The following NKAIN3 variants were observed in gnomAD, a reference collection of about 807,000 sequenced individuals.
NKAIN3 encodes the protein sodium/potassium transporting ATPase interacting 3, also known as sodium/potassium-transporting ATPase subunit beta-1-interacting protein 3.
In NKAIN3, 25 loss-of-function variants were observed where a neutral mutation model predicts 30.2. The ratio of observed to expected loss-of-function variants is 0.83; its 90% CI spans 0.60 to 1.16. The LOEUF (loss-of-function observed/expected upper bound fraction) is 1.16, where lower values mean the gene tolerates loss of function less well. Among genes scored for constraint, NKAIN3 ranks in the 50% most tolerant of loss-of-function variants. The probability of loss-of-function intolerance (pLI) is 0.00; values close to 1 mark genes in which losing one functional copy is unlikely to be tolerated. For synonymous variants in NKAIN3, 91 were observed against 89.6 expected, an observed-to-expected ratio of 1.02 and a Z score of -0.09; for missense variants, 225 against 254.1, an observed-to-expected ratio of 0.89 and a Z score of 0.78.
intron 6 of NKAIN3, among the ~76,000 whole-genome samples, chr8:62,962,413 G>A (rs990148052): frequency 9.2e-5 from 14 of 152,168 alleles, no homozygotes; most frequent in African/African-American, 3.1e-4. Flanking sequence ...AAGTGATTAT[G>A]GGCTGAGTAT....
rs558559886 is a variant in NKAIN3 at position 62,534,755 on chromosome 8, A to G, written c.55-44784A>G. ...CTGCTGCTTCTGGGCTAAATTCTAG[A>G]ACCACTGGTCTAGCAGAGACCTCTA... On this transcript the variant is annotated intron_variant, in intron 1 of 6. Coordinates refer to ENST00000623646, the MANE Select transcript of NKAIN3 (RefSeq NM_001304533.3). Among the ~76,000 whole-genome samples, 3 of 152,200 alleles carry G rather than the reference A, an allele frequency of 2.0e-5. No individual in the cohort carries two copies. In the East Asian group the frequency reaches 5.8e-4, roughly 29 times the overall value.
intron 1 of NKAIN3, among the ~76,000 whole-genome samples, chr8:62,311,222 T>A (rs1814417417): frequency 1.3e-5 from 2 of 150,468 alleles, no homozygotes; most frequent in Non-Finnish European, 2.9e-5. Context: ...TTAATATAGA[T>A]CTAATTAAAT....
At chr8:62,554,135 T>C (rs1809311567) in intron 1 of NKAIN3, among the ~76,000 whole-genome samples, 1 of 152,188 alleles carries the variant, frequency 6.6e-6, no homozygotes, top group Admixed American at 6.5e-5. Context: ...AGAGGCAATC[T>C]CTTACTTGAG....
At chr8:62,862,536 AT>A (rs1820283008) in intron 4 of NKAIN3, among the ~76,000 whole-genome samples, 1 of 152,184 alleles carries the variant, frequency 6.6e-6, no homozygotes, top group Non-Finnish European at 1.5e-5. Context: ...AAAAAAGGAA[AT>A]ATTTAACATT....
intron 1 of NKAIN3, among the ~76,000 whole-genome samples, chr8:62,308,338 G>A (rs1482013680): frequency 6.7e-6 from 1 of 150,126 alleles, no homozygotes; most frequent in East Asian, 1.9e-4. Flanking sequence ...TGATGTGTAT[G>A]TCATTCAAGC....
intron 1 of NKAIN3, among the ~76,000 whole-genome samples, chr8:62,367,258 A>G (rs1816764306): frequency 6.6e-6 from 1 of 152,218 alleles, no homozygotes; most frequent in South Asian, 2.1e-4. Context: ...CCAGGCAAAG[A>G]CAGTGTAAGA....
chr8:62,437,717 GA>G (rs566080231), intron 1 of NKAIN3, among the ~76,000 whole-genome samples: 1 of 151,642 alleles, frequency 6.6e-6, no homozygotes, highest in Non-Finnish European at 1.5e-5. Context: ...ATTTACAAAT[GA>G]AAAAAAATCA....
intron 1 of NKAIN3, among the ~76,000 whole-genome samples, chr8:62,282,198 T>C (rs1418353837): frequency 6.6e-6 from 1 of 152,050 alleles, no homozygotes; most frequent in African/African-American, 2.4e-5. Context: ...ACTCGGGAAA[T>C]TGGAGCTGAC....
rs1378284731 is a variant in NKAIN3, at chr8:62,793,882, T to C, written c.471+46753T>C. ...TACATTAATTAATTCCTAACATTAC[T>C]GGAATTTGAGCCCAAGGTTGGGGGG... On this transcript the variant is annotated intron_variant, in intron 4 of 6. Transcript: ENST00000623646. 4.6e-5 allele frequency among the ~76,000 whole-genome samples: 7 copies of C among 152,188 alleles called. No individual in the cohort carries two copies. In the East Asian group the frequency reaches 1.3e-3, roughly 29 times the overall value.
In NKAIN3 at chr8:62,877,962, C is replaced by T. The variant is rs1820850024; in HGVS notation, c.472-40491C>T. 2.0e-5 allele frequency among the ~76,000 whole-genome samples: 3 copies of T among 151,090 alleles called. No homozygotes were observed. The South Asian group carries it at 6.3e-4, about 32-fold the overall frequency. On this transcript the variant is annotated intron_variant, in intron 4 of 6. Transcript: ENST00000623646. Reference sequence around the variant, plus strand: ...GACTGATGCAGGAGAATCACTTGAACCCGAGAGGCAGAGGTTGTGGTGAGT... The same window carrying T: ...GACTGATGCAGGAGAATCACTTGAATCCGAGAGGCAGAGGTTGTGGTGAGT...
chr8:62,720,147 G>A lies in NKAIN3; in HGVS notation c.274-26785G>A, dbSNP rs554067793. On this transcript the variant is annotated intron_variant, in intron 3 of 6. Transcript: ENST00000623646. ...TTATGTAGGATTGTGTCAAAATGAA[G>A]TATTTATAAAAATAAGAAGCTATAA... is the stretch of plus-strand genomic sequence containing the variant. 2.6e-5 allele frequency among the ~76,000 whole-genome samples: 4 copies of A among 152,176 alleles called. No homozygotes were observed. In the South Asian group the frequency reaches 8.3e-4, roughly 32 times the overall value.
At chr8:62,994,457 C>A (rs1804055782) in intron 5 of NKAIN3, among the ~76,000 whole-genome samples, 1 of 151,978 alleles carries the variant, frequency 6.6e-6, no homozygotes. Flanking sequence ...ATCAGTTGCA[C>A]TGGTCATCTC....
At chr8:62,453,091 T>C (rs1805702486) in intron 1 of NKAIN3, among the ~76,000 whole-genome samples, 1 of 152,236 alleles carries the variant, frequency 6.6e-6, no homozygotes, top group Non-Finnish European at 1.5e-5. Flanking sequence ...TGTAGTCTTT[T>C]TGAGTATTTT....
rs1360558673 is a variant in NKAIN3, at chr8:62,856,542, G to A, written c.472-61911G>A. On this transcript the variant is annotated intron_variant, in intron 4 of 6. Coordinates refer to ENST00000623646, the MANE Select transcript of NKAIN3 (RefSeq NM_001304533.3). Reference sequence around the variant, plus strand: ...GATCACCAGCTTTGGTCCTGGCTCAGCTGGCTTAGGCACTGTCATTGCCAT... The same window carrying A: ...GATCACCAGCTTTGGTCCTGGCTCAACTGGCTTAGGCACTGTCATTGCCAT... The A allele has an allele frequency of 1.3e-5, 10 of 779,466 alleles. No homozygotes were observed. The Admixed American group carries it at 1.4e-4, about 11-fold the overall frequency. 48.3% of individuals were successfully genotyped at this position (779,466 alleles called of 1,614,324 possible).
At chr8:62,350,039 G>T (rs1215079258) in intron 1 of NKAIN3, among the ~76,000 whole-genome samples, 1 of 152,196 alleles carries the variant, frequency 6.6e-6, no homozygotes, top group South Asian at 2.1e-4. Context: ...GTAAAATGGT[G>T]CAGCCACTGT....
intron 4 of NKAIN3, chr8:62,855,394 C>A: frequency 1.2e-6 from 1 of 838,394 alleles, no homozygotes; most frequent in South Asian, 1.4e-5. Context: ...TGAAATTGCC[C>A]AGCATGCCCT....
At chr8:62,814,523 C>G (rs1818611913) in intron 4 of NKAIN3, among the ~76,000 whole-genome samples, 1 of 151,884 alleles carries the variant, frequency 6.6e-6, no homozygotes, top group South Asian at 2.1e-4. Flanking sequence ...GAAATGATAA[C>G]AAACTGTCTC....
intron 1 of NKAIN3, among the ~76,000 whole-genome samples, chr8:62,539,895 T>G (rs1016912904): frequency 1.3e-5 from 2 of 152,182 alleles, no homozygotes; most frequent in African/African-American, 2.4e-5. Context: ...TTTTTTTAAG[T>G]AAGCATTCTA....
At chr8:62,361,074 C>T (rs1263314360) in intron 1 of NKAIN3, among the ~76,000 whole-genome samples, 2 of 151,462 alleles carry the variant, frequency 1.3e-5, no homozygotes, top group Admixed American at 1.3e-4. Context: ...GAGCACCAAA[C>T]CCCCGCATCA....
Sources: allele counts gnomAD v4.1 joint callset (sites outside exome capture counted in the v4.1 genomes callset), GRCh38; gene constraint gnomAD v4.1.1; transcripts MANE v1.5; gene names NCBI Gene and HGNC (gene_info 2026-07-23, HGNC 2026-07-21).